TM9SF2: variants seen among roughly 807,000 people sequenced by gnomAD.
TM9SF2 encodes the protein 76 kDa membrane protein.
A neutral mutation model predicts 84.9 loss-of-function variants in TM9SF2; 13 were observed. That is an observed-to-expected ratio of 0.15 (90% CI 0.10 to 0.24). The LOEUF is 0.24. TM9SF2 is among the 10% of genes least tolerant of loss of function. The pLI is 1.00. For missense variants in TM9SF2, 562 were observed against 818.5 expected, an observed-to-expected ratio of 0.69 and a Z score of 3.82; for synonymous variants, 273 against 285.8, an observed-to-expected ratio of 0.96 and a Z score of 0.45.
Position 99,562,831 on chromosome 13 carries a change from G to A in TM9SF2, c.*73G>A. ...TCAACAAAGACCTGTTTTTGTGACT[G>A]CCTTGAGTTTTATCAGAATTATTGG... On this transcript the variant is annotated 3_prime_UTR_variant, in exon 17 of 17. Transcript: ENST00000376387. 6.9e-7 allele frequency: 1 copy of A among 1,441,902 alleles called. No individual in the cohort carries two copies. Among genetic ancestry groups the A allele is most frequent in the Non-Finnish European group, 9.6e-7 (1 of 1,039,648 alleles). The allele number at this position is 1,441,902 out of a possible 1,614,324, so 89.3% of individuals were successfully genotyped here.
intron 3 of TM9SF2, among the ~76,000 whole-genome samples, chr13:99,525,670 C>T (rs188773464): frequency 2.6e-5 from 4 of 152,094 alleles, no homozygotes; most frequent in East Asian, 1.9e-4. Flanking sequence ...ATTCTCCTGC[C>T]TCAGCCTCCC....
At chr13:99,528,806 T>C (rs1179942160) in intron 3 of TM9SF2, among the ~76,000 whole-genome samples, 1 of 152,214 alleles carries the variant, frequency 6.6e-6, no homozygotes. Flanking sequence ...GCACCTGCTT[T>C]AGGGATGTTA....
In TM9SF2 at chr13:99,547,094, A is replaced by C. The variant is rs555905367; in HGVS notation, c.1260A>C (p.Arg420Ser). The C allele has an allele frequency of 6.2e-7, 1 of 1,614,102 alleles. No homozygotes were observed. The highest frequency in any genetic ancestry group is 1.1e-5 in the South Asian group (1 of 91,070). The change falls in exon 11 of 17, where the codon AGA (arginine) becomes AGC (serine). Residue 420 changes from arginine (R) to serine (S), a missense_variant. Around this residue, in one of 4 missense-constraint regions of TM9SF2, gnomAD observed 219 missense variants for 338.1 expected, o/e 0.65. Transcript: ENST00000376387. ...LGTPAGYVAA[R>S]FYKSFGGEKW... The stretch of plus-strand genomic sequence containing the variant: ...CCCCTGCAGGCTATGTTGCTGCCAG[A>C]TTCTATAAGTGTAAGTCAAAGCCAC...
rs566654143 is a variant in TM9SF2 at position 99,559,350 on chromosome 13, C to G, written c.1753-13C>G. The G allele has an allele frequency of 6.4e-7, 1 of 1,556,474 alleles. No homozygotes were observed. Among genetic ancestry groups the G allele is most frequent in the African/African-American group, 1.4e-5 (1 of 72,204 alleles). Reference sequence around the variant, plus strand: ...TGGAATGTAATTCTTGTTCTTTTTTCTTTACTACCTAGGATTATCATTGGC... The same window carrying G: ...TGGAATGTAATTCTTGTTCTTTTTTGTTTACTACCTAGGATTATCATTGGC... On this transcript the variant is annotated splice_polypyrimidine_tract_variant and intron_variant, in intron 15 of 16. Coordinates refer to ENST00000376387, the MANE Select transcript of TM9SF2 (RefSeq NM_004800.3).
chr13:99,535,166 TATC>T (rs2139093045), intron 4 of TM9SF2, among the ~76,000 whole-genome samples: 1 of 152,296 alleles, frequency 6.6e-6, no homozygotes, highest in South Asian at 2.1e-4. Context: ...GAAAAAAAGA[TATC>T]CTTTAAGTTT....
intron 9 of TM9SF2, among the ~76,000 whole-genome samples, chr13:99,543,505 A>G (rs1216416485): frequency 6.6e-6 from 1 of 152,218 alleles, no homozygotes; most frequent in East Asian, 1.9e-4. Context: ...TGTGGAGATC[A>G]TTAAGAGTAG....
intron 11 of TM9SF2, among the ~76,000 whole-genome samples, 193 bp from the exon 12 acceptor site, chr13:99,548,972 G>A (rs2046294927): frequency 6.6e-6 from 1 of 152,084 alleles, no homozygotes; most frequent in Non-Finnish European, 1.5e-5. Context: ...ACTTACCTAG[G>A]GAATCCCATC....
intron 3 of TM9SF2, among the ~76,000 whole-genome samples, chr13:99,527,101 G>A (rs2046186823): frequency 1.3e-5 from 2 of 152,166 alleles, no homozygotes; most frequent in African/African-American, 4.8e-5. Context: ...GGGCATAGTG[G>A]AAGGGATTAA....
chr13:99,555,485 T>C (rs2046321612), intron 14 of TM9SF2, 51 bp from the exon 15 acceptor site: 1 of 1,334,442 alleles, frequency 7.5e-7, no homozygotes, highest in African/African-American at 1.4e-5. Context: ...TGTTATGTAT[T>C]GTGTCAAATT....
chr13:99,518,683 A>G (rs2046145358), intron 2 of TM9SF2, among the ~76,000 whole-genome samples: 1 of 152,084 alleles, frequency 6.6e-6, no homozygotes, highest in South Asian at 2.1e-4. Flanking sequence ...TGCAGCCACA[A>G]CATCCTGGGC....
chr13:99,532,104 T>C (rs984005792), intron 4 of TM9SF2, among the ~76,000 whole-genome samples: 1 of 151,320 alleles, frequency 6.6e-6, no homozygotes, highest in African/African-American at 2.4e-5. Flanking sequence ...CAGGCTGGAG[T>C]GCAGTGGCGC....
chr13:99,526,372 C>T (rs887011401), intron 3 of TM9SF2, among the ~76,000 whole-genome samples: 3 of 152,140 alleles, frequency 2.0e-5, no homozygotes, highest in Admixed American at 1.3e-4. Context: ...GAGAAGAACA[C>T]AGGATGTGAG....
At chr13:99,521,709 T>C (rs2046161161) in intron 3 of TM9SF2, among the ~76,000 whole-genome samples, 1 of 152,134 alleles carries the variant, frequency 6.6e-6, no homozygotes, top group African/African-American at 2.4e-5. Flanking sequence ...TCTTTTTTTT[T>C]CTTTTCTTTT....
At chr13:99,505,485 G>A (rs773175448) in intron 1 of TM9SF2, among the ~76,000 whole-genome samples, 8 of 152,094 alleles carry the variant, frequency 5.3e-5, no homozygotes, top group Non-Finnish European at 1.0e-4. Context: ...TACTTTCATT[G>A]CTATTGAAAT....
rs965960292 is a variant in TM9SF2 at position 99,517,829 on chromosome 13, CT to C, written c.239+156del. The C allele has an allele frequency of 3.7e-3, 1,084 of 291,892 alleles. 5 individuals carry two copies. Among genetic ancestry groups the C allele is most frequent in the Middle Eastern group, 5.2e-3 (6 of 1,152 alleles). The allele number at this position is 291,892 out of a possible 1,614,324, so 18.1% of individuals were successfully genotyped here. ...TCCAAGGTGTGGTTAAAAATGTGAT[CT>C]TTTTTTTAATGTTTCTTTGTAATAC... On this transcript the variant is annotated intron_variant, in intron 2 of 16. Transcript: ENST00000376387.
chr13:99,529,396 C>T, intron 3 of TM9SF2, 71 bp from the exon 4 acceptor site: 1 of 1,381,160 alleles, frequency 7.2e-7, no homozygotes, highest in Non-Finnish European at 9.5e-7. Context: ...CACTTTTACT[C>T]TATTTGTGAT....
chr13:99,545,602 C>G (rs2046279135), intron 10 of TM9SF2, among the ~76,000 whole-genome samples: 2 of 151,742 alleles, frequency 1.3e-5, no homozygotes, highest in Admixed American at 6.6e-5. Context: ...GAGCCTCGCT[C>G]TGTCACCAGG....
chr13:99,519,277 G>T (rs2046148753), intron 2 of TM9SF2, among the ~76,000 whole-genome samples: 1 of 150,406 alleles, frequency 6.6e-6, no homozygotes, highest in Non-Finnish European at 1.5e-5. Context: ...CTTCATTTGG[G>T]AACTTCCCAG....
At chr13:99,509,927 T>C (rs1006960067) in intron 1 of TM9SF2, among the ~76,000 whole-genome samples, 3 of 152,250 alleles carry the variant, frequency 2.0e-5, no homozygotes, top group Non-Finnish European at 2.9e-5. Flanking sequence ...TGTTTAAATA[T>C]AAATTCCAGC....
Sources: gnomAD v4.1 joint callset for allele counts (sites outside exome capture counted in the v4.1 genomes callset) on GRCh38, gnomAD v4.1.1 for gene constraint, gnomAD v4.1.1 regional missense constraint, MANE v1.5 for transcripts, NCBI Gene and HGNC (gene_info 2026-07-23, HGNC 2026-07-21) for gene names.